Variants in NID2 observed in about 807,000 individuals in gnomAD.
NID2 encodes nidogen-2.
NID2 carries 83 observed loss-of-function variants against 145.4 expected under a neutral mutation model. The observed-to-expected ratio is 0.57, with a 90% CI of 0.48 to 0.69. NID2 has a LOEUF of 0.69. NID2 is among the 30% of genes least tolerant of loss of function. NID2 has a pLI of 0.00. For synonymous variants in NID2, 739 were observed against 701.3 expected (o/e 1.05, Z -0.85); for missense variants, 1,807 against 1,765.7 (o/e 1.02, Z -0.42).
chr14:52,008,110 C>T (rs1890864189), intron 18 of NID2, 143 bp from the exon 19 acceptor site: 1 of 616,690 alleles, frequency 1.6e-6, no homozygotes. Context: ...TTAGTAGTGT[C>T]TTGCTTCTTC....
intron 12 of NID2, among the ~76,000 whole-genome samples, chr14:52,024,559 C>T (rs1194364989): frequency 1.3e-5 from 2 of 152,110 alleles, no homozygotes; most frequent in Non-Finnish European, 2.9e-5. Flanking sequence ...AGCACAGGAC[C>T]CAGCTGAGCC....
At chr14:52,065,348 A>C (rs1161717801) in intron 2 of NID2, among the ~76,000 whole-genome samples, 1 of 152,166 alleles carries the variant, frequency 6.6e-6, no homozygotes, top group Non-Finnish European at 1.5e-5. Context: ...CTATCTCCAA[A>C]GAACTATTAA....
At chr14:52,057,169 A>G (rs1032579) in intron 3 of NID2, among the ~76,000 whole-genome samples, 138,275 of 152,152 alleles carry the variant, frequency 0.91, 62,871 homozygotes, top group East Asian at 1. Flanking sequence ...AGCCTCCCAA[A>G]TAGCTGGGTC....
chr14:52,035,175 A>G (rs1431534072), intron 9 of NID2, among the ~76,000 whole-genome samples: 2 of 152,162 alleles, frequency 1.3e-5, no homozygotes, highest in East Asian at 1.9e-4. Context: ...GGACAGTTCT[A>G]TAGACTGACA....
intron 8 of NID2, among the ~76,000 whole-genome samples, chr14:52,040,423 A>G (rs8004226): frequency 0.46 from 69,912 of 152,106 alleles, 16,560 homozygotes; most frequent in Non-Finnish European, 0.51. Flanking sequence ...TGATTTTATT[A>G]TTTGAAAATA....
chr14:52,044,206 A>C (rs1566765485), intron 5 of NID2, among the ~76,000 whole-genome samples: 1 of 152,120 alleles, frequency 6.6e-6, no homozygotes, highest in Non-Finnish European at 1.5e-5. Context: ...AGCAAATAAA[A>C]ATATAACAAA....
At chr14:52,044,690 G>T (rs970247109) in intron 5 of NID2, among the ~76,000 whole-genome samples, 1 of 152,106 alleles carries the variant, frequency 6.6e-6, no homozygotes, top group Non-Finnish European at 1.5e-5. Context: ...TCGGCTCACT[G>T]AAAGCTCGAC....
At chr14:52,009,117 A>G (rs1890910084) in intron 18 of NID2, 1 of 152,216 alleles carries the variant, frequency 6.6e-6, no homozygotes, top group Admixed American at 6.5e-5. Flanking sequence ...GGAAGAAACC[A>G]TAGGTTTCCC....
At chr14:52,010,110 ATACAGG>A (rs1594998647) in intron 18 of NID2, 1 of 152,254 alleles carries the variant, frequency 6.6e-6, no homozygotes, top group Non-Finnish European at 1.5e-5. Context: ...ATAGAGAAGG[ATACAGG>A]TACTTTTCCT....
intron 5 of NID2, among the ~76,000 whole-genome samples, chr14:52,044,359 T>C (rs1176262228): frequency 1.5e-5 from 2 of 129,806 alleles, no homozygotes; most frequent in African/African-American, 5.8e-5. Context: ...AAGCTCCACC[T>C]CCCAGGTTCA....
At chr14:52,051,996 TTA>T (rs1892696278) in intron 5 of NID2, among the ~76,000 whole-genome samples, 1 of 152,014 alleles carries the variant, frequency 6.6e-6, no homozygotes, top group Admixed American at 6.5e-5. Context: ...TCTTAACCCT[TTA>T]ATACATGACT....
chr14:52,039,557 C>T (rs1892200685), intron 8 of NID2, among the ~76,000 whole-genome samples: 1 of 152,160 alleles, frequency 6.6e-6, no homozygotes, highest in South Asian at 2.1e-4. Flanking sequence ...CGGACACTGA[C>T]CATTTTGTTC....
At chr14:52,011,709 G>A (rs766090140) in intron 16 of NID2, 26 bp from the exon 17 acceptor site, 80 of 1,613,458 alleles carry the variant, frequency 5.0e-5, no homozygotes, top group Non-Finnish European at 6.5e-5. Context: ...CATAGAATTA[G>A]AAGAATTAGG....
chr14:52,047,872 A>G (rs1225142088), intron 5 of NID2, among the ~76,000 whole-genome samples: 1 of 152,106 alleles, frequency 6.6e-6, no homozygotes, highest in Non-Finnish European at 1.5e-5. Flanking sequence ...GGAGAGCTGC[A>G]TTTCTCCCGG....
chr14:52,022,306 G>A (rs1340815094), intron 12 of NID2, among the ~76,000 whole-genome samples: 2 of 152,190 alleles, frequency 1.3e-5, no homozygotes, highest in Non-Finnish European at 2.9e-5. Flanking sequence ...ACAAGGAGGA[G>A]AAAGTCCCCA....
At chr14:52,056,440 T>G (rs575272604) in intron 3 of NID2, among the ~76,000 whole-genome samples, 1 of 152,300 alleles carries the variant, frequency 6.6e-6, no homozygotes, top group East Asian at 1.9e-4. Context: ...GGTTACAAAA[T>G]GGGATGACAA....
intron 5 of NID2, among the ~76,000 whole-genome samples, chr14:52,044,419 A>G (rs892205820): frequency 5.9e-5 from 9 of 151,406 alleles, no homozygotes; most frequent in Non-Finnish European, 1.2e-4. Flanking sequence ...ACAGGCACCC[A>G]CCACCACGCC....
At chr14:52,029,511 G>C (rs377118751) in intron 10 of NID2, 36 bp downstream of exon 10, 1 of 1,586,370 alleles carries the variant, frequency 6.3e-7, no homozygotes, top group African/African-American at 1.3e-5. Context: ...GAAAAACAAG[G>C]GCTACAAGAA....
intron 2 of NID2, among the ~76,000 whole-genome samples, chr14:52,064,794 C>G (rs538832190): frequency 6.6e-6 from 1 of 152,190 alleles, no homozygotes; most frequent in South Asian, 2.1e-4. Context: ...CTTGATACCT[C>G]ATTCTCAATA....
Sources: gnomAD v4.1 joint callset for allele counts (sites outside exome capture counted in the v4.1 genomes callset) on GRCh38, gnomAD v4.1.1 for gene constraint, MANE v1.5 for transcripts, NCBI Gene and HGNC (gene_info 2026-07-23, HGNC 2026-07-21) for gene names.